Variants in CNTN5 observed in about 807,000 individuals in gnomAD.
The protein encoded by CNTN5 is contactin-5.
CNTN5 carries 77 observed loss-of-function variants against 129.1 expected under a neutral mutation model. The ratio of observed to expected loss-of-function variants is 0.60; its 90% CI spans 0.50 to 0.72. The LOEUF is 0.72. CNTN5 is among the 30% of genes least tolerant of loss of function. The pLI is 0.00. For missense variants in CNTN5, 1,478 were observed against 1,328.8 expected (o/e 1.11, Z -1.75); for synonymous variants, 509 against 465.6 (o/e 1.09, Z -1.20).
At chr11:99,160,507 A>G (rs1003592483) in intron 1 of CNTN5, among the ~76,000 whole-genome samples, 1 of 152,212 alleles carries the variant, frequency 6.6e-6, no homozygotes, top group African/African-American at 2.4e-5. Context: ...TCACCTAAAC[A>G]TATCACTAGG....
At chr11:99,272,755 A>AC (rs1863234406) in intron 1 of CNTN5, among the ~76,000 whole-genome samples, 1 of 152,022 alleles carries the variant, frequency 6.6e-6, no homozygotes, top group East Asian at 1.9e-4. Flanking sequence ...TTCCAGTGTG[A>AC]CCACAGGAAG....
intron 2 of CNTN5, among the ~76,000 whole-genome samples, chr11:99,393,156 A>C (rs1941350321): frequency 6.6e-6 from 1 of 151,914 alleles, no homozygotes; most frequent in Non-Finnish European, 1.5e-5. Context: ...GAAATTGTCC[A>C]GAAATAAAAT....
At chr11:99,536,700 C>T (rs1037880612) in intron 2 of CNTN5, among the ~76,000 whole-genome samples, 3 of 151,808 alleles carry the variant, frequency 2.0e-5, no homozygotes, top group South Asian at 2.1e-4. Flanking sequence ...TACATGACAT[C>T]GTTAATACCC....
At chr11:99,996,796 G>C (rs1939477343) in intron 8 of CNTN5, among the ~76,000 whole-genome samples, 1 of 152,028 alleles carries the variant, frequency 6.6e-6, no homozygotes, top group African/African-American at 2.4e-5. Flanking sequence ...ATGGCAGCAG[G>C]AGAGAGAGAG....
At chr11:99,904,609 C>G (rs1373536698) in intron 6 of CNTN5, among the ~76,000 whole-genome samples, 1 of 152,130 alleles carries the variant, frequency 6.6e-6, no homozygotes, top group Non-Finnish European at 1.5e-5. Flanking sequence ...CATACATGTA[C>G]ATGTGTCTTT....
chr11:99,574,370 G>A (rs1949278060), intron 3 of CNTN5, among the ~76,000 whole-genome samples: 1 of 152,102 alleles, frequency 6.6e-6, no homozygotes, highest in South Asian at 2.1e-4. Flanking sequence ...ATAAACATAT[G>A]CATGCATGCA....
intron 1 of CNTN5, among the ~76,000 whole-genome samples, chr11:99,271,382 T>C (rs143655822): frequency 1.2e-4 from 18 of 152,010 alleles, no homozygotes; most frequent in African/African-American, 3.9e-4. Context: ...TTGTAAAACA[T>C]CTGAAACTAT....
intron 13 of CNTN5, among the ~76,000 whole-genome samples, chr11:100,121,868 A>G (rs1219415403): frequency 6.6e-6 from 1 of 152,042 alleles, no homozygotes; most frequent in Non-Finnish European, 1.5e-5. Context: ...AAAAGTATTA[A>G]AAATGATAGA....
chr11:99,749,967 G>A (rs1944177833), intron 3 of CNTN5, among the ~76,000 whole-genome samples: 2 of 152,058 alleles, frequency 1.3e-5, no homozygotes, highest in South Asian at 2.1e-4. Flanking sequence ...CTGCTTATTG[G>A]GAGATGGCAG....
At chr11:99,146,288 G>T (rs1859780471) in intron 1 of CNTN5, among the ~76,000 whole-genome samples, 1 of 152,016 alleles carries the variant, frequency 6.6e-6, no homozygotes. Flanking sequence ...AAATATATAG[G>T]TATATAATTC....
intron 13 of CNTN5, among the ~76,000 whole-genome samples, chr11:100,081,657 A>C (rs1944369081): frequency 6.6e-6 from 1 of 152,202 alleles, no homozygotes; most frequent in African/African-American, 2.4e-5. Flanking sequence ...GATACTGAGG[A>C]AAAATTGAAA....
At chr11:99,824,060 A>G (rs952043099) in intron 4 of CNTN5, among the ~76,000 whole-genome samples, 5 of 151,960 alleles carry the variant, frequency 3.3e-5, no homozygotes, top group African/African-American at 1.2e-4. Context: ...TTCTTTATTC[A>G]TTCCCTTTTT....
At chr11:99,363,832 T>C (rs925554952) in intron 2 of CNTN5, among the ~76,000 whole-genome samples, 8 of 152,108 alleles carry the variant, frequency 5.3e-5, no homozygotes, top group Admixed American at 2.0e-4. Context: ...GTTATGAAAA[T>C]TCGTTTTTCC....
intron 1 of CNTN5, among the ~76,000 whole-genome samples, chr11:99,123,051 G>A (rs1858432831): frequency 6.6e-6 from 1 of 152,016 alleles, no homozygotes; most frequent in African/African-American, 2.4e-5. Context: ...ATTCTTTTGG[G>A]TATATACCCC....
At chr11:99,070,391 G>A (rs1043134481) in intron 1 of CNTN5, among the ~76,000 whole-genome samples, 1 of 151,960 alleles carries the variant, frequency 6.6e-6, no homozygotes, top group African/African-American at 2.4e-5. Context: ...AATTTTAAAT[G>A]GTTTCTATTA....
intron 3 of CNTN5, among the ~76,000 whole-genome samples, chr11:99,793,337 G>A (rs1209806855): frequency 6.6e-6 from 1 of 152,134 alleles, no homozygotes; most frequent in Non-Finnish European, 1.5e-5. Flanking sequence ...GGGATTACAG[G>A]CGTGAGCCAC....
intron 2 of CNTN5, among the ~76,000 whole-genome samples, chr11:99,530,818 C>T (rs1168713797): frequency 6.6e-6 from 1 of 152,194 alleles, no homozygotes; most frequent in Non-Finnish European, 1.5e-5. Flanking sequence ...GTAAGAAGTG[C>T]CTTTAGCCCT....
At chr11:99,351,446 G>C (rs531631570) in intron 2 of CNTN5, among the ~76,000 whole-genome samples, 1 of 152,274 alleles carries the variant, frequency 6.6e-6, no homozygotes, top group East Asian at 1.9e-4. Flanking sequence ...AGTAATAGTT[G>C]TTGTGGTATA....
intron 13 of CNTN5, among the ~76,000 whole-genome samples, chr11:100,157,850 A>G (rs201641549): frequency 3.1e-5 from 3 of 95,380 alleles, no homozygotes; most frequent in South Asian, 5.1e-4. Flanking sequence ...ATAGATAAAT[A>G]AAAAAAGCAT....
Sources: allele counts gnomAD v4.1 joint callset (sites outside exome capture counted in the v4.1 genomes callset), GRCh38; gene constraint gnomAD v4.1.1; transcripts MANE v1.5; gene names NCBI Gene and HGNC (gene_info 2026-07-23, HGNC 2026-07-21).